Variants in TCF20 observed in about 807,000 individuals in gnomAD.
TCF20 encodes the protein transcription factor 20.
TCF20 carries 3 observed loss-of-function variants against 148.6 expected under a neutral mutation model. That is an observed-to-expected ratio of 0.02 (90% CI 0.01 to 0.05). The LOEUF is 0.05. TCF20 is among the 10% of genes least tolerant of loss of function. TCF20 has a pLI of 1.00. For synonymous variants in TCF20, 1,049 were observed against 909.5 expected (o/e 1.15, Z -2.76); for missense variants, 2,350 against 2,429.3 (o/e 0.97, Z 0.69).
intron 1 of TCF20, among the ~76,000 whole-genome samples, chr22:42,216,101 T>TTTTTTTTTTTTG (rs967996391): frequency 3.0e-5 from 4 of 134,010 alleles, no homozygotes; most frequent in African/African-American, 1.2e-4. Context: ...TTTTTTTTTT[T>TTTTTTTTTTTTG]TTTTTTGAGA....
intron 2 of TCF20, among the ~76,000 whole-genome samples, chr22:42,203,838 A>AGGTAGG (rs1459041673): frequency 6.6e-6 from 1 of 152,112 alleles, no homozygotes; most frequent in African/African-American, 2.4e-5. Context: ...AAGAACAATC[A>AGGTAGG]GGTAGGGGTG....
At chr22:42,243,310 A>AC (rs1397451361) in intron 1 of TCF20, among the ~76,000 whole-genome samples, 1 of 140,864 alleles carries the variant, frequency 7.1e-6, no homozygotes, top group African/African-American at 3.0e-5. Flanking sequence ...AAAAAAAAAA[A>AC]AAAAAAAAAA....
chr22:42,342,040 G>A (rs1415810518), intron 1 of TCF20, among the ~76,000 whole-genome samples: 1 of 152,140 alleles, frequency 6.6e-6, no homozygotes, highest in Non-Finnish European at 1.5e-5. Flanking sequence ...GGGGGTCTAA[G>A]ACCAGGGTAC....
At chr22:42,307,128 T>A (rs1927449854) in intron 1 of TCF20, among the ~76,000 whole-genome samples, 3 of 151,696 alleles carry the variant, frequency 2.0e-5, no homozygotes. Context: ...TGGTGGGCTC[T>A]GACGACAGCA....
chr22:42,217,740 T>G (rs1176642931), intron 1 of TCF20, among the ~76,000 whole-genome samples: 1 of 152,210 alleles, frequency 6.6e-6, no homozygotes, highest in Non-Finnish European at 1.5e-5. Context: ...AGACCTTGCC[T>G]GTAAAATCCC....
chr22:42,192,150 A>AG (rs1459877611), intron 2 of TCF20, among the ~76,000 whole-genome samples: 2 of 152,308 alleles, frequency 1.3e-5, no homozygotes, highest in African/African-American at 4.8e-5. Context: ...CATCCTACCC[A>AG]GGAGTTGGGT....
chr22:42,251,113 T>C (rs888024683), intron 1 of TCF20, among the ~76,000 whole-genome samples: 1 of 152,158 alleles, frequency 6.6e-6, no homozygotes, highest in Non-Finnish European at 1.5e-5. Flanking sequence ...GGGACACATA[T>C]CCAAACTATA....
intron 1 of TCF20, among the ~76,000 whole-genome samples, chr22:42,244,640 C>A (rs1033488397): frequency 7.2e-5 from 11 of 152,080 alleles, no homozygotes; most frequent in African/African-American, 2.7e-4. Flanking sequence ...CAGAAGAGGG[C>A]AAGGGGAGTA....
upstream of TCF20, among the ~76,000 whole-genome samples, chr22:42,285,442 G>A (rs1024303613): frequency 3.9e-5 from 6 of 151,922 alleles, no homozygotes; most frequent in Non-Finnish European, 7.4e-5. This position sits in a 1 kb window ranked among gnomAD's most constrained non-coding sequence, Gnocchi z 4.2. Context: ...TCCGAGCAGC[G>A]CACCAGTCCC....
At position 42,161,172 on chromosome 22, in the gene TCF20, C is replaced by A; in HGVS notation, c.*231G>T. 2.2e-6 allele frequency: 1 copy of A among 460,858 alleles called. No homozygotes were observed. The highest frequency in any genetic ancestry group is 8.1e-5 in the East Asian group (1 of 12,294). The allele number at this position is 460,858 out of a possible 1,614,324, so 28.5% of individuals were successfully genotyped here. A position where few individuals can be genotyped will look rare whatever the true frequency, so the allele number is the denominator to read the frequency against. On this transcript the variant is annotated 3_prime_UTR_variant, in exon 6 of 6. Coordinates refer to ENST00000677622, the MANE Select transcript of TCF20 (RefSeq NM_001378418.1). ...GATTGTGTCCATGGAAACAGCCATT[C>A]CAACGTCTTGGGTCTTTCTTTCCTG... is the stretch of plus-strand genomic sequence containing the variant.
intron 1 of TCF20, among the ~76,000 whole-genome samples, chr22:42,327,267 G>A (rs1166653811): frequency 6.6e-6 from 1 of 152,206 alleles, no homozygotes; most frequent in Non-Finnish European, 1.5e-5. Flanking sequence ...CCTTCCTGAA[G>A]ACATCCCCAG....
rs545014180 is a variant in TCF20, at chr22:42,170,280, C to G, written c.5750-384G>C. Among the ~76,000 whole-genome samples, 9 of 151,018 alleles carry G rather than the reference C, an allele frequency of 6.0e-5. No individual in the cohort carries two copies. In the South Asian group the frequency reaches 1.0e-3, roughly 18 times the overall value. ...TTGGGAGGCCGAGGCAGAAAGATCACTTGAATCCAAGAGTCAAGACCAGCT... is the reference window on the plus strand; with the variant it reads ...TTGGGAGGCCGAGGCAGAAAGATCAGTTGAATCCAAGAGTCAAGACCAGCT... On this transcript the variant is annotated intron_variant, in intron 3 of 5. Transcript: ENST00000677622.
chr22:42,296,799 C>T (rs988482253), intron 1 of TCF20, among the ~76,000 whole-genome samples: 1 of 152,230 alleles, frequency 6.6e-6, no homozygotes, highest in African/African-American at 2.4e-5. Context: ...TGCAGGGGGA[C>T]CCAGGAGGCC....
At chr22:42,262,045 A>G (rs2146980672) in intron 1 of TCF20, among the ~76,000 whole-genome samples, 1 of 152,276 alleles carries the variant, frequency 6.6e-6, no homozygotes, top group Non-Finnish European at 1.5e-5. Context: ...CCTAAAAAAA[A>G]GTGAATGTGA....
chr22:42,308,570 C>T (rs1370409380), intron 1 of TCF20, among the ~76,000 whole-genome samples: 3 of 152,160 alleles, frequency 2.0e-5, no homozygotes, highest in Non-Finnish European at 2.9e-5. Flanking sequence ...TGGGCTTTAC[C>T]TCTGCACAAC....
chr22:42,305,032 G>C (rs942765497), intron 1 of TCF20, among the ~76,000 whole-genome samples: 1 of 152,032 alleles, frequency 6.6e-6, no homozygotes, highest in Admixed American at 6.5e-5. Context: ...ACAGCCTGTG[G>C]GGTGTTTGAG....
chr22:42,188,237 T>C (rs1267923785), intron 2 of TCF20, among the ~76,000 whole-genome samples: 1 of 127,742 alleles, frequency 7.8e-6, no homozygotes, highest in Non-Finnish European at 1.5e-5. Context: ...GAGGTTGCAG[T>C]GAGCGAGATC....
chr22:42,215,435 G>T (rs1395683355), intron 1 of TCF20, 94 bp from the exon 2 acceptor site: 9 of 1,434,214 alleles, frequency 6.3e-6, no homozygotes, highest in Non-Finnish European at 7.4e-6. Context: ...ATGAATCAGA[G>T]GCCCAGATGA....
Position 42,211,396 on chromosome 22 carries a change from G to T in TCF20, c.3910C>A (p.His1304Asn). Residue 1304 changes from histidine (H) to asparagine (N), a missense_variant, in exon 2 of 6, where the codon CAC becomes AAC. Physicochemically the swap from His to Asn is moderately conservative, Grantham distance 68. Around this residue, in one of 7 missense-constraint regions of TCF20, gnomAD observed 1,641 missense variants for 1,662.6 expected, o/e 0.99. Coordinates refer to ENST00000677622, the MANE Select transcript of TCF20 (RefSeq NM_001378418.1). The stretch of plus-strand genomic sequence containing the variant: ...GGGATAGACTTGATATCCTGACTGT[G>T]AGAAAGATGGGCATAGGAATTGAAT... ...KAFNSYAHLS[H>N]SQDIKSIPKR... 1 of 1,614,208 alleles carries T rather than the reference G, an allele frequency of 6.2e-7. No individual in the cohort carries two copies. Among genetic ancestry groups the T allele is most frequent in the Non-Finnish European group, 8.5e-7 (1 of 1,180,038 alleles).
Sources: allele counts gnomAD v4.1 joint callset (sites outside exome capture counted in the v4.1 genomes callset), GRCh38; gene constraint gnomAD v4.1.1; regional missense constraint gnomAD v4.1.1; non-coding constraint Gnocchi (gnomAD v3.1); transcripts MANE v1.5; gene names NCBI Gene and HGNC (gene_info 2026-07-23, HGNC 2026-07-21).